Variants in SUMF1 observed in about 807,000 individuals in gnomAD.
SUMF1 encodes sulfatase modifying factor 1, also known as formylglycine-generating enzyme.
In SUMF1, 48 loss-of-function variants were observed where a neutral mutation model predicts 47.6. That is an observed-to-expected ratio of 1.01 (90% CI 0.80 to 1.28). The LOEUF (loss-of-function observed/expected upper bound fraction) is 1.28, where lower values mean the gene tolerates loss of function less well. Among genes scored for constraint, SUMF1 ranks in the 50% most tolerant of loss-of-function variants. The pLI is 0.00. For missense variants in SUMF1, 571 were observed against 485.4 expected (o/e 1.18, Z -1.66); for synonymous variants, 230 against 192.1 (o/e 1.20, Z -1.63).
intron 8 of SUMF1, among the ~76,000 whole-genome samples, chr3:4,351,208 TATTAGTG>T (rs1366600681): frequency 3.0e-5 from 4 of 132,306 alleles, no homozygotes; most frequent in African/African-American, 1.4e-4. Context: ...ATGTTTCCCA[TATTAGTG>T]AGGTCTCCCC....
intron 3 of SUMF1, among the ~76,000 whole-genome samples, chr3:4,421,867 G>A (rs959651412): frequency 6.6e-6 from 1 of 152,144 alleles, no homozygotes; most frequent in Non-Finnish European, 1.5e-5. Context: ...CTCTTTGATT[G>A]TTTTCATCCT....
chr3:4,298,655 C>T (rs1341411592), intron 8 of SUMF1, among the ~76,000 whole-genome samples: 3 of 152,200 alleles, frequency 2.0e-5, no homozygotes, highest in African/African-American at 7.2e-5. Context: ...CAATTTCTAT[C>T]ACATTCTGTA....
intron 8 of SUMF1, among the ~76,000 whole-genome samples, chr3:4,190,292 C>T (rs1574964397): frequency 6.6e-6 from 1 of 151,264 alleles, no homozygotes; most frequent in Non-Finnish European, 1.5e-5. Context: ...AATGGAAACA[C>T]GAGGGAAGCA....
At chr3:4,457,364 C>G (rs1198376456) in intron 1 of SUMF1, among the ~76,000 whole-genome samples, 4 of 151,798 alleles carry the variant, frequency 2.6e-5, no homozygotes, top group African/African-American at 9.7e-5. Flanking sequence ...TATCAAAATT[C>G]TAATGTCATT....
At chr3:4,073,268 TAC>T (rs1692329006) in intron 8 of SUMF1, among the ~76,000 whole-genome samples, 1 of 152,192 alleles carries the variant, frequency 6.6e-6, no homozygotes, top group Non-Finnish European at 1.5e-5. Context: ...TAAGATCCTT[TAC>T]AGAGAAGCAA....
intron 8 of SUMF1, among the ~76,000 whole-genome samples, chr3:4,236,575 G>C (rs552688462): frequency 2.0e-5 from 2 of 98,532 alleles, no homozygotes; most frequent in Non-Finnish European, 4.5e-5. Flanking sequence ...GCAACATAGT[G>C]AGACCCCCCA....
intron 3 of SUMF1, among the ~76,000 whole-genome samples, chr3:4,421,647 A>T (rs759699964): frequency 4.6e-5 from 7 of 152,030 alleles, no homozygotes; most frequent in Non-Finnish European, 1.0e-4. Flanking sequence ...GCCCAGCTAA[A>T]TTTTTTGTAT....
At chr3:4,066,499 T>C (rs1271880176) in intron 9 of SUMF1, among the ~76,000 whole-genome samples, 1 of 152,236 alleles carries the variant, frequency 6.6e-6, no homozygotes, top group South Asian at 2.1e-4. Flanking sequence ...TCCGACAAAC[T>C]TTCCTTTCTC....
intron 9 of SUMF1, among the ~76,000 whole-genome samples, chr3:4,068,341 A>G (rs1182667017): frequency 6.6e-6 from 1 of 152,204 alleles, no homozygotes; most frequent in African/African-American, 2.4e-5. Context: ...TCTGTCTAAT[A>G]GAAATATAAT....
At chr3:4,360,205 CTTTTTTTT>C (rs57690047), downstream of SUMF1, among the ~76,000 whole-genome samples, 15 of 104,114 alleles carry the variant, frequency 1.4e-4, no homozygotes, top group African/African-American at 5.1e-4. Flanking sequence ...AATGTTTGTT[CTTTTTTTT>C]TTTTTTTTTT....
At chr3:4,050,814 A>G (rs991101628) in intron 9 of SUMF1, among the ~76,000 whole-genome samples, 6 of 149,860 alleles carry the variant, frequency 4.0e-5, no homozygotes, top group Non-Finnish European at 7.5e-5. Context: ...AAATGTAATG[A>G]TGTACATGAA....
intron 8 of SUMF1, among the ~76,000 whole-genome samples, chr3:4,158,427 T>G (rs1694502484): frequency 6.6e-6 from 1 of 151,612 alleles, no homozygotes; most frequent in African/African-American, 2.4e-5. Context: ...TATTCTGCAG[T>G]CATTGGATAA....
chr3:4,280,494 G>GAA (rs138740951), intron 8 of SUMF1, among the ~76,000 whole-genome samples: 57 of 149,424 alleles, frequency 3.8e-4, no homozygotes, highest in African/African-American at 1.4e-3. Context: ...TCTAATAGAG[G>GAA]AAAAAAAAAA....
intron 8 of SUMF1, among the ~76,000 whole-genome samples, chr3:4,319,878 T>C (rs1559223889): frequency 6.6e-6 from 1 of 152,188 alleles, no homozygotes; most frequent in Non-Finnish European, 1.5e-5. Flanking sequence ...AAATGCATAC[T>C]GTTAAGTGAG....
At chr3:4,462,925 G>C (rs75394421) in intron 1 of SUMF1, among the ~76,000 whole-genome samples, 174 of 152,304 alleles carry the variant, frequency 1.1e-3, no homozygotes, top group African/African-American at 4.1e-3. Flanking sequence ...AGCCTCAGTT[G>C]CCTCATCTGT....
chr3:4,140,928 A>G (rs1177752644), intron 8 of SUMF1, among the ~76,000 whole-genome samples: 1 of 152,130 alleles, frequency 6.6e-6, no homozygotes, highest in Non-Finnish European at 1.5e-5. Flanking sequence ...AGGAATAGGG[A>G]AGAGGAAAAA....
intron 8 of SUMF1, among the ~76,000 whole-genome samples, chr3:4,273,712 TAC>T (rs1697350231): frequency 1.1e-5 from 1 of 89,150 alleles, no homozygotes; most frequent in Non-Finnish European, 2.0e-5. Context: ...GGAGGGAGGA[TAC>T]GGGAGGGAGG....
At chr3:4,355,096 TC>T (rs1242532754) in intron 8 of SUMF1, among the ~76,000 whole-genome samples, 10 of 152,190 alleles carry the variant, frequency 6.6e-5, no homozygotes, top group Non-Finnish European at 1.5e-4. Context: ...ACGCCTGTAA[TC>T]CCAGCATTTT....
At chr3:4,347,419 C>T (rs371089200) in intron 8 of SUMF1, among the ~76,000 whole-genome samples, 1 of 152,112 alleles carries the variant, frequency 6.6e-6, no homozygotes, top group Non-Finnish European at 1.5e-5. Flanking sequence ...ATAAACAGAA[C>T]CAATGACAAA....
Sources: allele counts gnomAD v4.1 joint callset (sites outside exome capture counted in the v4.1 genomes callset), GRCh38; gene constraint gnomAD v4.1.1; transcripts MANE v1.5; gene names NCBI Gene and HGNC (gene_info 2026-07-23, HGNC 2026-07-21).